The following ATP8A2 variants were observed in gnomAD, a reference collection of about 807,000 sequenced individuals.
ATP8A2 encodes the protein phospholipid-transporting ATPase IB.
ATP8A2 carries 100 observed loss-of-function variants against 165.6 expected under a neutral mutation model. The observed-to-expected ratio is 0.60, with a 90% CI of 0.51 to 0.71. ATP8A2 has a LOEUF of 0.71. Among genes scored for constraint, ATP8A2 ranks in the 30% least tolerant of loss-of-function variants. ATP8A2 has a pLI of 0.00. For missense variants in ATP8A2, 1,227 were observed against 1,479.5 expected (o/e 0.83, Z 2.80); for synonymous variants, 543 against 548.8 (o/e 0.99, Z 0.15).
At chr13:25,949,320 T>C (rs1955287459) in intron 33 of ATP8A2, among the ~76,000 whole-genome samples, 1 of 152,218 alleles carries the variant, frequency 6.6e-6, no homozygotes, top group East Asian at 1.9e-4. Flanking sequence ...ATTCAGATGG[T>C]GACAAGGTGA....
chr13:25,760,749 A>G lies in ATP8A2; in HGVS notation c.2385-8297A>G, dbSNP rs140450703. 4.4e-3 allele frequency among the ~76,000 whole-genome samples: 667 copies of G among 152,368 alleles called. 6 individuals are homozygous for G. Among genetic ancestry groups the G allele is most frequent in the African/African-American group, 0.015 (620 of 41,584 alleles). ...TTTTTGCAGTAGCATATTAACATAC[A>G]TAATATTTTCTAAAAGCTCTCTCTT... On this transcript the variant is annotated intron_variant, in intron 25 of 36. Coordinates refer to ENST00000381655, the MANE Select transcript of ATP8A2 (RefSeq NM_016529.6).
intron 33 of ATP8A2, among the ~76,000 whole-genome samples, chr13:25,914,698 C>G (rs184227990): frequency 2.6e-5 from 4 of 152,294 alleles, no homozygotes; most frequent in Non-Finnish European, 5.9e-5. Flanking sequence ...TATGGTACAC[C>G]CCTGTCACTG....
chr13:25,829,039 A>G (rs1593411641), intron 28 of ATP8A2, among the ~76,000 whole-genome samples: 2 of 152,356 alleles, frequency 1.3e-5, no homozygotes, highest in African/African-American at 2.4e-5. Flanking sequence ...CTATGGTGCT[A>G]TAAATCCACT....
chr13:25,603,052 A>G (rs1465519080), intron 24 of ATP8A2, among the ~76,000 whole-genome samples: 1 of 152,204 alleles, frequency 6.6e-6, no homozygotes, highest in African/African-American at 2.4e-5. Context: ...AGCCTGGGCA[A>G]CAGAGTGAGA....
chr13:25,479,190 A>G (rs1471954691), intron 2 of ATP8A2, among the ~76,000 whole-genome samples: 1 of 152,230 alleles, frequency 6.6e-6, no homozygotes, highest in Non-Finnish European at 1.5e-5. Context: ...TATTTAAAAC[A>G]TTGGTATACA....
chr13:25,520,964 C>T (rs1401400930), intron 2 of ATP8A2, among the ~76,000 whole-genome samples: 1 of 152,100 alleles, frequency 6.6e-6, no homozygotes, highest in African/African-American at 2.4e-5. Context: ...ACTGGCTGTA[C>T]CAATTTACTT....
At chr13:25,539,034 G>A in intron 7 of ATP8A2, among the ~76,000 whole-genome samples, 1 of 151,190 alleles carries the variant, frequency 6.6e-6, no homozygotes, top group Non-Finnish European at 1.5e-5. Flanking sequence ...AAGTCTTTAA[G>A]TCTTGGCTGT....
intron 24 of ATP8A2, among the ~76,000 whole-genome samples, chr13:25,688,944 A>G (rs1217073279): frequency 6.6e-6 from 1 of 152,228 alleles, no homozygotes; most frequent in Non-Finnish European, 1.5e-5. Context: ...ATATTTTTAA[A>G]TGATCTTCCT....
Position 25,435,950 on chromosome 13 carries a change from T to A in ATP8A2, c.77-33027T>A, listed in dbSNP as rs574968302. On this transcript the variant is annotated intron_variant, in intron 1 of 36. Coordinates refer to ENST00000381655, the MANE Select transcript of ATP8A2 (RefSeq NM_016529.6). Reference sequence around the variant, plus strand: ...GTGTGTGAGTGTGTGTGTGTGTGTGTGAGTGTGTGTGTGTGTGTGTGTATG... The same window carrying A: ...GTGTGTGAGTGTGTGTGTGTGTGTGAGAGTGTGTGTGTGTGTGTGTGTATG... Among the ~76,000 whole-genome samples, 757 of 77,100 alleles carry A rather than the reference T, an allele frequency of 9.8e-3. 7 individuals are homozygous for A. The highest frequency in any genetic ancestry group is 0.024 in the African/African-American group (601 of 25,494). 50.6% of individuals were successfully genotyped at this position (77,100 alleles called of 152,430 possible).
chr13:25,661,644 A>G (rs1157398730), intron 24 of ATP8A2, among the ~76,000 whole-genome samples: 2 of 152,208 alleles, frequency 1.3e-5, no homozygotes, highest in Admixed American at 6.5e-5. Flanking sequence ...CTTTCCTTGT[A>G]TTACTTGGGG....
In ATP8A2 at chr13:25,607,561, G is replaced by A. The variant is rs537638085; in HGVS notation, c.2211+17862G>A. ...ACCATCTGTAGTTGCAACACAAACC[G>A]CATGGCCCACAAATTGTAACATATT... On this transcript the variant is annotated intron_variant, in intron 24 of 36. Coordinates refer to ENST00000381655, the MANE Select transcript of ATP8A2 (RefSeq NM_016529.6). Among the ~76,000 whole-genome samples, 7 of 152,200 alleles carry A rather than the reference G, an allele frequency of 4.6e-5. No individual in the cohort carries two copies. In the South Asian group the frequency reaches 8.3e-4, roughly 18 times the overall value.
At position 26,012,400 on chromosome 13, in the gene ATP8A2, C is replaced by T. The variant is rs1349304809; in HGVS notation, c.3378-131C>T. ...GGCATCTGCTGGAAATCACGGGCCG[C>T]TGGTGAAGCACCACGCCTTACCCGA... On this transcript the variant is annotated intron_variant, in intron 35 of 36. Transcript: ENST00000381655. 1.1e-5 allele frequency: 8 copies of T among 695,952 alleles called. No individual in the cohort carries two copies. In the African/African-American group the frequency reaches 1.3e-4, roughly 12 times the overall value. 43.1% of individuals were successfully genotyped at this position (695,952 alleles called of 1,614,324 possible). A position where few individuals can be genotyped will look rare whatever the true frequency, so the allele number is the denominator to read the frequency against.
At chr13:25,719,852 T>A (rs969226542) in intron 25 of ATP8A2, among the ~76,000 whole-genome samples, 21 of 152,178 alleles carry the variant, frequency 1.4e-4, no homozygotes, top group Non-Finnish European at 2.1e-4. Flanking sequence ...GGCATCGCTG[T>A]GGGGCCCCCA....
intron 32 of ATP8A2, among the ~76,000 whole-genome samples, chr13:25,861,072 T>C (rs1311975606): frequency 6.6e-6 from 1 of 152,332 alleles, no homozygotes; most frequent in Admixed American, 6.5e-5. Flanking sequence ...AGCTCTAAGC[T>C]ATTAACAGTC....
intron 24 of ATP8A2, among the ~76,000 whole-genome samples, chr13:25,687,045 C>G (rs2137837108): frequency 6.6e-6 from 1 of 152,190 alleles, no homozygotes; most frequent in Middle Eastern, 3.4e-3. Flanking sequence ...AAATACTTTC[C>G]AAAATGTCAT....
rs1953410435 is a variant in ATP8A2, at chr13:25,892,687, C to T, written c.3183+30279C>T. ...TACAGTGCGATGCTCTCCTTTGTGC[C>T]TGGGAGATGCTCCCTCCATCCCCCT... On this transcript the variant is annotated intron_variant, in intron 33 of 36. Transcript: ENST00000381655. 2.0e-5 allele frequency among the ~76,000 whole-genome samples: 3 copies of T among 151,978 alleles called. No individual in the cohort carries two copies. The South Asian group carries it at 6.2e-4, about 32-fold the overall frequency.
chr13:25,621,331 T>C (rs912692584), intron 24 of ATP8A2, among the ~76,000 whole-genome samples: 6 of 152,224 alleles, frequency 3.9e-5, no homozygotes, highest in African/African-American at 1.4e-4. Flanking sequence ...GTGGAAACAT[T>C]AGAGGATAAA....
intron 25 of ATP8A2, among the ~76,000 whole-genome samples, chr13:25,725,773 T>A (rs1171832661): frequency 8.5e-5 from 13 of 152,184 alleles, no homozygotes; most frequent in Admixed American, 8.5e-4. Flanking sequence ...TTCTTTTTTG[T>A]CTTATAGATC....
Position 25,601,944 on chromosome 13 carries a change from G to A in ATP8A2, c.2211+12245G>A, listed in dbSNP as rs571198057. On this transcript the variant is annotated intron_variant, in intron 24 of 36. Transcript: ENST00000381655. ...CTCTCTTAACCCTCTTAGCAACTCT[G>A]TAAGGTCATGAAATATTCTTTTTTC... is the stretch of plus-strand genomic sequence containing the variant. 2.0e-5 allele frequency among the ~76,000 whole-genome samples: 3 copies of A among 152,230 alleles called. No homozygotes were observed. The East Asian group carries it at 5.8e-4, about 29-fold the overall frequency.
Sources: gnomAD v4.1 joint callset for allele counts (sites outside exome capture counted in the v4.1 genomes callset) on GRCh38, gnomAD v4.1.1 for gene constraint, MANE v1.5 for transcripts, NCBI Gene and HGNC (gene_info 2026-07-23, HGNC 2026-07-21) for gene names.